SIPA1L1: variants seen among roughly 807,000 people sequenced by gnomAD.
SIPA1L1 encodes signal-induced proliferation-associated 1-like protein 1.
Under a neutral mutation model 162.7 loss-of-function variants are expected in SIPA1L1, and 26 were observed. The observed-to-expected ratio is 0.16, with a 90% CI of 0.12 to 0.22. The LOEUF is 0.22. Ranked by LOEUF, SIPA1L1 falls within the 10% of genes least tolerant of loss-of-function variation. SIPA1L1 has a pLI of 1.00. For missense variants in SIPA1L1, 1,874 were observed against 2,241.0 expected (o/e 0.84, Z 3.31); for synonymous variants, 829 against 837.4 (o/e 0.99, Z 0.17).
At chr14:71,476,431 GT>G (rs1567075645) in intron 2 of SIPA1L1, among the ~76,000 whole-genome samples, 1 of 152,068 alleles carries the variant, frequency 6.6e-6, no homozygotes, top group Non-Finnish European at 1.5e-5. Context: ...GAAAGAAATG[GT>G]TTTGTGGTAT....
chr14:71,646,377 C>T (rs1019591729), intron 7 of SIPA1L1, among the ~76,000 whole-genome samples: 5 of 152,156 alleles, frequency 3.3e-5, no homozygotes, highest in African/African-American at 7.2e-5. Flanking sequence ...GGGGTTTCAC[C>T]GTGTTAGTCA....
intron 2 of SIPA1L1, among the ~76,000 whole-genome samples, chr14:71,480,112 T>C (rs2048227361): frequency 1.3e-5 from 2 of 151,532 alleles, no homozygotes; most frequent in Admixed American, 1.3e-4. Flanking sequence ...AGACGGAGTC[T>C]TGCTCTGTTG....
At chr14:71,473,840 C>T (rs896807612) in intron 2 of SIPA1L1, among the ~76,000 whole-genome samples, 1 of 152,058 alleles carries the variant, frequency 6.6e-6, no homozygotes, top group Admixed American at 6.6e-5. Flanking sequence ...TGCTGAAGGA[C>T]AGGAAGAAAA....
At position 71,449,759 on chromosome 14, in the gene SIPA1L1, T is replaced by C. The variant is rs183595167; in HGVS notation, c.-464-62984T>C. 2.7e-4 allele frequency among the ~76,000 whole-genome samples: 41 copies of C among 152,340 alleles called. 1 individual carries two copies. The East Asian group carries it at 6.4e-3, about 24-fold the overall frequency. ...TCAGTTAAGCATGATTTATTAATGT[T>C]ATTATGAATTCTTTTAGTGCCAGTT... On this transcript the variant is annotated intron_variant, in intron 2 of 23. Transcript: ENST00000381232.
chr14:71,336,996 C>T (rs1188400726), intron 2 of SIPA1L1, among the ~76,000 whole-genome samples: 1 of 152,152 alleles, frequency 6.6e-6, no homozygotes, highest in Non-Finnish European at 1.5e-5. Context: ...CTTTCTGACC[C>T]GTTTGACTCC....
chr14:71,691,865 C>G (rs1159914928), intron 13 of SIPA1L1, among the ~76,000 whole-genome samples: 6 of 152,228 alleles, frequency 3.9e-5, no homozygotes, highest in African/African-American at 1.4e-4. Context: ...AATGTTCTTA[C>G]CACCACATGG....
intron 4 of SIPA1L1, among the ~76,000 whole-genome samples, chr14:71,548,429 G>A (rs932906254): frequency 2.0e-5 from 3 of 151,990 alleles, no homozygotes; most frequent in African/African-American, 7.3e-5. Flanking sequence ...GGAGGAGTGT[G>A]GTGATCATAT....
intron 4 of SIPA1L1, 137 bp from the exon 5 acceptor site, chr14:71,587,434 C>T: frequency 2.6e-6 from 1 of 388,694 alleles, no homozygotes; most frequent in Non-Finnish European, 4.5e-6. Context: ...ACCTGCTTTA[C>T]TAAAAATACG....
At chr14:71,603,386 T>C (rs1008577467) in intron 5 of SIPA1L1, among the ~76,000 whole-genome samples, 1 of 152,200 alleles carries the variant, frequency 6.6e-6, no homozygotes, top group African/African-American at 2.4e-5. Context: ...TGTCACTTTA[T>C]TAATTGATTT....
intron 4 of SIPA1L1, chr14:71,573,430 C>T (rs2032448192): frequency 1.3e-5 from 5 of 375,832 alleles, no homozygotes; most frequent in African/African-American, 4.2e-5. Flanking sequence ...CAGTGGGTGG[C>T]GCATCAGAAA....
intron 5 of SIPA1L1, among the ~76,000 whole-genome samples, chr14:71,596,887 G>T (rs1387055844): frequency 6.6e-6 from 1 of 152,008 alleles, no homozygotes; most frequent in African/African-American, 2.4e-5. Context: ...CTTATGACAA[G>T]CAGTTGCTAT....
At chr14:71,488,096 A>T (rs2048919969) in intron 2 of SIPA1L1, among the ~76,000 whole-genome samples, 2 of 152,184 alleles carry the variant, frequency 1.3e-5, no homozygotes, top group African/African-American at 4.8e-5. Flanking sequence ...TATCTAGAAA[A>T]GGAGATGTCT....
intron 5 of SIPA1L1, among the ~76,000 whole-genome samples, chr14:71,594,235 A>G (rs2035765000): frequency 6.6e-6 from 1 of 152,216 alleles, no homozygotes. Context: ...TACTAAAGTT[A>G]CAGCTTTAGC....
chr14:71,598,351 C>T (rs1037775978), intron 5 of SIPA1L1: 14 of 375,854 alleles, frequency 3.7e-5, no homozygotes, highest in African/African-American at 4.4e-5. Flanking sequence ...TTAAGACATT[C>T]GTAAACTACA....
At chr14:71,494,788 C>T (rs1202548478) in intron 2 of SIPA1L1, among the ~76,000 whole-genome samples, 1 of 152,128 alleles carries the variant, frequency 6.6e-6, no homozygotes, top group African/African-American at 2.4e-5. Context: ...TACAGGTGTG[C>T]ACCACCTTGC....
chr14:71,620,929 A>C (rs1296076539), intron 6 of SIPA1L1, among the ~76,000 whole-genome samples: 1 of 152,168 alleles, frequency 6.6e-6, no homozygotes, highest in African/African-American at 2.4e-5. Flanking sequence ...TCAAGTGTTC[A>C]AAAAAACCAT....
Position 71,402,559 on chromosome 14 carries a change from G to T in SIPA1L1, c.-465+81378G>T, listed in dbSNP as rs140914316. ...AGATAGGGTTTCACCATATTGGCCAGGCTGGTCTTGAATTCTTGGCCTTAT... is the reference window on the plus strand; with the variant it reads ...AGATAGGGTTTCACCATATTGGCCATGCTGGTCTTGAATTCTTGGCCTTAT... On this transcript the variant is annotated intron_variant, in intron 2 of 23. Transcript: ENST00000381232. Among the ~76,000 whole-genome samples the T allele has an allele frequency of 8.9e-4, 135 of 152,222 alleles. 3 individuals carry two copies. The East Asian group carries it at 0.025, about 28-fold the overall frequency.
intron 2 of SIPA1L1, among the ~76,000 whole-genome samples, chr14:71,423,659 C>T (rs2043353584): frequency 6.6e-6 from 1 of 152,136 alleles, no homozygotes; most frequent in East Asian, 1.9e-4. Flanking sequence ...TATTCTATTC[C>T]ATTGGTGTCT....
intron 4 of SIPA1L1, among the ~76,000 whole-genome samples, chr14:71,561,572 T>C (rs922615975): frequency 6.6e-6 from 1 of 152,214 alleles, no homozygotes; most frequent in African/African-American, 2.4e-5. Flanking sequence ...TCTTTTATGG[T>C]AGTAAGGCTA....
Sources: allele counts gnomAD v4.1 joint callset (sites outside exome capture counted in the v4.1 genomes callset), GRCh38; gene constraint gnomAD v4.1.1; transcripts MANE v1.5; gene names NCBI Gene and HGNC (gene_info 2026-07-23, HGNC 2026-07-21).